PCDHB10: variants seen among roughly 807,000 people sequenced by gnomAD.
PCDHB10 encodes protocadherin beta 10, also known as protocadherin beta-10.
For synonymous variants in PCDHB10, 448 were observed against 449.2 expected (o/e 1.00, Z 0.04); for missense variants, 1,046 against 1,004.7 (o/e 1.04, Z -0.56).
Position 141,192,634 on chromosome 5 carries a change from T to G in PCDHB10, c.82T>G (p.Ser28Ala). 6.2e-7 allele frequency: 1 copy of G among 1,614,088 alleles called. No individual in the cohort carries two copies. Among genetic ancestry groups the G allele is most frequent in the Non-Finnish European group, 8.5e-7 (1 of 1,180,008 alleles). ...TTTTTGGGGAGTGTCCTTGGCAGGTTCTGGGTTTGGACGTTATTCGGTGAC... is the reference window on the plus strand; with the variant it reads ...TTTTTGGGGAGTGTCCTTGGCAGGTGCTGGGTTTGGACGTTATTCGGTGAC... The part of the protein sequence containing the change: ...FLFWGVSLAG[S>A]GFGRYSVTEE... Residue 28 changes from serine (S) to alanine (A), a missense_variant, in exon 1 of 1, where the codon TCT (serine) becomes GCT (alanine). By Grantham distance (99) the Ser-to-Ala change is moderately conservative. Coordinates refer to ENST00000239446, the MANE Select transcript of PCDHB10 (RefSeq NM_018930.4).
rs1554284555 is a variant in PCDHB10 at position 141,194,888 on chromosome 5, A to G, written c.2336A>G (p.Gln779Arg). ...CCAGTTATTTCGGATATTCAGGCAC[A>G]GGGCCCTGGGAGGAAGGGTGAAGAA... Reference protein sequence around the residue: ...LKPVISDIQAQGPGRKGEENS... With the variant: ...LKPVISDIQARGPGRKGEENS... The change falls in exon 1 of 1, where the codon CAG becomes CGG. Residue 779 changes from glutamine to arginine, a missense_variant. Transcript: ENST00000239446. 1.2e-6 allele frequency: 2 copies of G among 1,613,590 alleles called. No homozygotes were observed. Among genetic ancestry groups the G allele is most frequent in the African/African-American group, 2.7e-5 (2 of 75,038 alleles).
At position 141,193,259 on chromosome 5, in the gene PCDHB10, A is replaced by G. The variant is rs200362789; in HGVS notation, c.707A>G (p.Asn236Ser). The G allele has an allele frequency of 2.2e-5, 36 of 1,614,102 alleles. No individual in the cohort carries two copies. The highest frequency in any genetic ancestry group is 2.1e-4 in the African/African-American group (16 of 75,008). The change falls in exon 1 of 1, where the codon AAT (asparagine) becomes AGT (serine). Residue 236 changes from asparagine to serine, a missense_variant. Physicochemically the swap from Asn to Ser is conservative, Grantham distance 46. Coordinates refer to ENST00000239446, the MANE Select transcript of PCDHB10 (RefSeq NM_018930.4). ...STVRIVVLDV[N>S]DNAPQFAQAL... ...GTACGCATCGTTGTCTTGGACGTCA[A>G]TGACAATGCCCCACAGTTTGCCCAG... is the stretch of plus-strand genomic sequence containing the variant.
rs1174766420 is a variant in PCDHB10, at chr5:141,192,439, A to G, written c.-114A>G. 18 of 1,352,092 alleles carry G rather than the reference A, an allele frequency of 1.3e-5. No individual in the cohort carries two copies. Among genetic ancestry groups the G allele is most frequent in the African/African-American group, 1.5e-5 (1 of 68,226 alleles). 83.8% of individuals were successfully genotyped at this position (1,352,092 alleles called of 1,614,324 possible). ...TAGCTGCCAAAGATTGGGAAAGGGA[A>G]AGGACAAAAAAGACCCCTGGGCTAC... On this transcript the variant is annotated 5_prime_UTR_variant, in exon 1 of 1. Transcript: ENST00000239446.
rs1753996306 is a variant in PCDHB10, at chr5:141,194,316, G to A, written c.1764G>A (p.Lys588=). The change falls in exon 1 of 1, where the codon AAG becomes AAA. Residue 588 remains lysine (K), a synonymous_variant. Transcript: ENST00000239446. ...RAAEPGYLVT[K]VVAVDGDSGQ... ...CCGAGCCGGGCTACCTGGTGACCAA[G>A]GTGGTGGCGGTGGACGGCGACTCGG... The A allele has an allele frequency of 3.7e-6, 6 of 1,602,650 alleles. No homozygotes were observed. Among genetic ancestry groups the A allele is most frequent in the Non-Finnish European group, 5.1e-6 (6 of 1,178,144 alleles).
At position 141,194,249 on chromosome 5, in the gene PCDHB10, A is replaced by G. The variant is rs569673377; in HGVS notation, c.1697A>G (p.Gln566Arg). Residue 566 changes from glutamine (Q) to arginine (R), a missense_variant, in exon 1 of 1, where the codon CAG (glutamine) becomes CGG (arginine). Transcript: ENST00000239446. ...TCGCCCTTCGTGCTGTACCCGCTGC[A>G]GAACGGCTCCGCGCCCTGCACCGAG... The part of the protein sequence containing the change: ...DNSPFVLYPL[Q>R]NGSAPCTELV... 5.5e-5 allele frequency: 89 copies of G among 1,605,762 alleles called. No homozygotes were observed. In the East Asian group the frequency reaches 2.0e-3, roughly 36 times the overall value.
rs1554283936 is a variant in PCDHB10, at chr5:141,192,978, A to G, written c.426A>G (p.Ile142Met). 4 of 1,614,218 alleles carry G rather than the reference A, an allele frequency of 2.5e-6. No individual in the cohort carries two copies. The highest frequency in any genetic ancestry group is 1.1e-5 in the South Asian group (1 of 91,084). The change falls in exon 1 of 1, where the codon ATA (isoleucine) becomes ATG (methionine). Residue 142 changes from isoleucine (I) to methionine (M), a missense_variant. Physicochemically the swap from Ile to Met is conservative, Grantham distance 10. Coordinates refer to ENST00000239446, the MANE Select transcript of PCDHB10 (RefSeq NM_018930.4). Reference sequence around the variant, plus strand: ...AGGACAAAGAAACAGTCTTAAAAATATCAGAAAATACAGCTGAAGGGACAG... The same window carrying G: ...AGGACAAAGAAACAGTCTTAAAAATGTCAGAAAATACAGCTGAAGGGACAG... ...VFQDKETVLKISENTAEGTAF... is the reference protein window; with the variant it reads ...VFQDKETVLKMSENTAEGTAF...
chr5:141,193,668 CAGAG>C lies in PCDHB10; in HGVS notation c.1118_1121del (p.Arg373ThrfsTer20). On this transcript the variant is annotated frameshift_variant, in exon 1 of 1. Coordinates refer to ENST00000239446, the MANE Select transcript of PCDHB10 (RefSeq NM_018930.4). LOFTEE classifies it low-confidence loss of function (END_TRUNC). ...CGCTGGCTGTTTTTAAGATTAATGA[CAGAG>C]ACTCTGGAGAAAATGGAAAGATGGT... is the stretch of plus-strand genomic sequence containing the variant. 1 of 1,614,108 alleles carries C rather than the reference CAGAG, an allele frequency of 6.2e-7. No individual in the cohort carries two copies. The highest frequency in any genetic ancestry group is 8.5e-7 in the Non-Finnish European group (1 of 1,180,034).
rs1328938767 is a variant in PCDHB10, at chr5:141,193,374, C to A, written c.822C>A (p.Asn274Lys). The stretch of plus-strand genomic sequence containing the variant: ...CAGAAGATGTAGACTCTGGAGTCAA[C>A]GCGGAAGTATCCTATTCATTTTTTG... ...VWAEDVDSGV[N>K]AEVSYSFFDA... The change falls in exon 1 of 1, where the codon AAC becomes AAA. Residue 274 changes from asparagine (N) to lysine (K), a missense_variant. Physicochemically the swap from Asn to Lys is moderately conservative, Grantham distance 94 (BLOSUM62 0). Coordinates refer to ENST00000239446, the MANE Select transcript of PCDHB10 (RefSeq NM_018930.4). The A allele has an allele frequency of 6.2e-7, 1 of 1,614,196 alleles. No homozygotes were observed. Among genetic ancestry groups the A allele is most frequent in the African/African-American group, 1.3e-5 (1 of 75,046 alleles).
chr5:141,194,859 G>C lies in PCDHB10; in HGVS notation c.2307G>C (p.Leu769Phe). 1 of 1,614,078 alleles carries C rather than the reference G, an allele frequency of 6.2e-7. No homozygotes were observed. The highest frequency in any genetic ancestry group is 2.2e-5 in the East Asian group (1 of 44,892). Residue 769 changes from leucine to phenylalanine, a missense_variant, in exon 1 of 1, where the codon TTG (leucine) becomes TTC (phenylalanine). By Grantham distance (22) the Leu-to-Phe change is conservative (BLOSUM62 0). Coordinates refer to ENST00000239446, the MANE Select transcript of PCDHB10 (RefSeq NM_018930.4). Reference sequence around the variant, plus strand: ...CCGGGACCAGTGAGTTCAAGTTCTTGAAACCAGTTATTTCGGATATTCAGG... The same window carrying C: ...CCGGGACCAGTGAGTTCAAGTTCTTCAAACCAGTTATTTCGGATATTCAGG... ...GGPGTSEFKFLKPVISDIQAQ... is the reference protein window; with the variant it reads ...GGPGTSEFKFFKPVISDIQAQ...
chr5:141,193,870 C>G lies in PCDHB10; in HGVS notation c.1318C>G (p.Leu440Val). Residue 440 changes from leucine to valine, a missense_variant, in exon 1 of 1, where the codon CTG becomes GTG. Transcript: ENST00000239446. ...GAAAACCGAGCACAACATAACGGTCCTGGTCTCCGACGTCAATGACAACGC... is the reference window on the plus strand; with the variant it reads ...GAAAACCGAGCACAACATAACGGTCGTGGTCTCCGACGTCAATGACAACGC... ...RLKTEHNITV[L>V]VSDVNDNAPA... 2 of 1,613,990 alleles carry G rather than the reference C, an allele frequency of 1.2e-6. No homozygotes were observed. The highest frequency in any genetic ancestry group is 1.7e-6 in the Non-Finnish European group (2 of 1,180,018).
rs1554284400 is a variant in PCDHB10 at position 141,194,411 on chromosome 5, A to T, written c.1859A>T (p.His620Leu). 6.2e-7 allele frequency: 1 copy of T among 1,603,326 alleles called. No individual in the cohort carries two copies. The highest frequency in any genetic ancestry group is 1.1e-5 in the South Asian group (1 of 90,878). Residue 620 changes from histidine (H) to leucine (L), a missense_variant, in exon 1 of 1, where the codon CAC (histidine) becomes CTC (leucine). By Grantham distance (99) the His-to-Leu change is moderately conservative. Transcript: ENST00000239446. ...CCCGGGCTGTTCGGTGTGTGGGCGCACAATGGGGAGGTGCGCACCGCCAGG... is the reference window on the plus strand; with the variant it reads ...CCCGGGCTGTTCGGTGTGTGGGCGCTCAATGGGGAGGTGCGCACCGCCAGG... ...TEPGLFGVWAHNGEVRTARLL... is the reference protein window; with the variant it reads ...TEPGLFGVWALNGEVRTARLL...
Position 141,192,605 on chromosome 5 carries a change from T to C in PCDHB10, c.53T>C (p.Phe18Ser). The C allele has an allele frequency of 1.2e-6, 2 of 1,614,152 alleles. No individual in the cohort carries two copies. Among genetic ancestry groups the C allele is most frequent in the Non-Finnish European group, 1.7e-6 (2 of 1,180,036 alleles). ...FPRQRQVLFLFLFWGVSLAGS... is the reference protein window; with the variant it reads ...FPRQRQVLFLSLFWGVSLAGS... Reference sequence around the variant, plus strand: ...AGACAAAGGCAAGTCCTGTTTCTTTTTCTTTTTTGGGGAGTGTCCTTGGCA... The same window carrying C: ...AGACAAAGGCAAGTCCTGTTTCTTTCTCTTTTTTGGGGAGTGTCCTTGGCA... The change falls in exon 1 of 1, where the codon TTT becomes TCT. Residue 18 changes from phenylalanine to serine, a missense_variant. Coordinates refer to ENST00000239446, the MANE Select transcript of PCDHB10 (RefSeq NM_018930.4).
Position 141,193,179 on chromosome 5 carries a change from C to T in PCDHB10, c.627C>T (p.Ser209=). Reference sequence around the variant, plus strand: ...ATCGGGAGGAGCAGGGAGAGCTCAGCTTAACCCTCACAGCGCTGGATGGTG... The same window carrying T: ...ATCGGGAGGAGCAGGGAGAGCTCAGTTTAACCCTCACAGCGCTGGATGGTG... ...ALDREEQGEL[S]LTLTALDGGS... Residue 209 remains serine, a synonymous_variant, in exon 1 of 1, where the codon AGC becomes AGT. Coordinates refer to ENST00000239446, the MANE Select transcript of PCDHB10 (RefSeq NM_018930.4). The T allele has an allele frequency of 6.2e-7, 1 of 1,614,128 alleles. No homozygotes were observed. Among genetic ancestry groups the T allele is most frequent in the Non-Finnish European group, 8.5e-7 (1 of 1,180,032 alleles).
rs1554284201 is a variant in PCDHB10 at position 141,193,894 on chromosome 5, G to A, written c.1342G>A (p.Ala448Thr). ...CCTGGTCTCCGACGTCAATGACAAC[G>A]CCCCCGCCTTCACCCAAACCTCCTA... Reference protein sequence around the residue: ...TVLVSDVNDNAPAFTQTSYTL... With the variant: ...TVLVSDVNDNTPAFTQTSYTL... The change falls in exon 1 of 1, where the codon GCC (alanine) becomes ACC (threonine). Residue 448 changes from alanine to threonine, a missense_variant. Coordinates refer to ENST00000239446, the MANE Select transcript of PCDHB10 (RefSeq NM_018930.4). 6 of 1,613,578 alleles carry A rather than the reference G, an allele frequency of 3.7e-6. No homozygotes were observed. The Admixed American group carries it at 1.0e-4, about 27-fold the overall frequency.
Position 141,194,282 on chromosome 5 carries a change from C to T in PCDHB10, c.1730C>T (p.Pro577Leu). Residue 577 changes from proline (P) to leucine (L), a missense_variant, in exon 1 of 1, where the codon CCC becomes CTC. Physicochemically the swap from Pro to Leu is moderately conservative, Grantham distance 98 (BLOSUM62 -3). Transcript: ENST00000239446. Reference protein sequence around the residue: ...NGSAPCTELVPRAAEPGYLVT... With the variant: ...NGSAPCTELVLRAAEPGYLVT... The stretch of plus-strand genomic sequence containing the variant: ...TCCGCGCCCTGCACCGAGCTGGTGC[C>T]CCGGGCGGCCGAGCCGGGCTACCTG... 6.2e-7 allele frequency: 1 copy of T among 1,605,120 alleles called. No homozygotes were observed. The highest frequency in any genetic ancestry group is 1.1e-5 in the South Asian group (1 of 90,774).
Position 141,192,942 on chromosome 5 carries a change from G to A in PCDHB10, c.390G>A (p.Ala130=), listed in dbSNP as rs782047686. 6.2e-7 allele frequency: 1 copy of A among 1,614,070 alleles called. No homozygotes were observed. The highest frequency in any genetic ancestry group is 1.7e-5 in the Admixed American group (1 of 60,026). ...GAGTCAGGGATATAAATGATCACGCGCCAGTATTTCAGGACAAAGAAACAG... is the reference window on the plus strand; with the variant it reads ...GAGTCAGGGATATAAATGATCACGCACCAGTATTTCAGGACAAAGAAACAG... The part of the protein sequence containing the change: ...ELRVRDINDH[A]PVFQDKETVL... The change falls in exon 1 of 1, where the codon GCG becomes GCA. Residue 130 remains alanine, a synonymous_variant. Transcript: ENST00000239446.
chr5:141,193,471 CTTGA>C lies in PCDHB10; in HGVS notation c.922_925del (p.Asp308MetfsTer3). ...TGGGGAAATCTTTCTCAGAGAATTG[CTTGA>C]TTATGAGTTAGTAAATTCTTACAAA... is the stretch of plus-strand genomic sequence containing the variant. On this transcript the variant is annotated frameshift_variant, in exon 1 of 1. Transcript: ENST00000239446. LOFTEE classifies it low-confidence loss of function (END_TRUNC). 1.2e-6 allele frequency: 2 copies of C among 1,614,088 alleles called. No homozygotes were observed. Among genetic ancestry groups the C allele is most frequent in the Non-Finnish European group, 1.7e-6 (2 of 1,180,004 alleles).
chr5:141,193,458 TC>T lies in PCDHB10; in HGVS notation c.907del (p.Leu303SerfsTer9). On this transcript the variant is annotated frameshift_variant, in exon 1 of 1. Transcript: ENST00000239446. LOFTEE classifies it low-confidence loss of function (END_TRUNC). Reference sequence around the variant, plus strand: ...TCAATCCTTTTTCTGGGGAAATCTTTCTCAGAGAATTGCTTGATTATGAGTT... The same window carrying T: ...TCAATCCTTTTTCTGGGGAAATCTTTTCAGAGAATTGCTTGATTATGAGTT... ...QINPFSGEIF[L>X]RELLDYELVN... 1 of 1,614,156 alleles carries T rather than the reference TC, an allele frequency of 6.2e-7. No individual in the cohort carries two copies. Among genetic ancestry groups the T allele is most frequent in the Non-Finnish European group, 8.5e-7 (1 of 1,180,014 alleles).
Position 141,192,832 on chromosome 5 carries a change from A to G in PCDHB10, c.280A>G (p.Lys94Glu). Residue 94 changes from lysine (K) to glutamate (E), a missense_variant, in exon 1 of 1, where the codon AAG becomes GAG. Physicochemically the swap from Lys to Glu is moderately conservative, Grantham distance 56. Coordinates refer to ENST00000239446, the MANE Select transcript of PCDHB10 (RefSeq NM_018930.4). Reference protein sequence around the residue: ...LLTNEKLDREKLCGPKEPCML... With the variant: ...LLTNEKLDREELCGPKEPCML... ...CACAAATGAGAAACTGGACCGAGAG[A>G]AGCTGTGTGGCCCTAAAGAGCCCTG... 6.2e-7 allele frequency: 1 copy of G among 1,611,764 alleles called. No individual in the cohort carries two copies. The highest frequency in any genetic ancestry group is 8.5e-7 in the Non-Finnish European group (1 of 1,178,298).
Sources: gnomAD v4.1 joint callset for allele counts on GRCh38, gnomAD v4.1.1 for gene constraint, MANE v1.5 for transcripts, NCBI Gene and HGNC (gene_info 2026-07-23, HGNC 2026-07-21) for gene names.